Variants in PRAMEF20 observed in about 807,000 individuals in gnomAD.
The protein encoded by PRAMEF20 is PRAME family member 20, also known as PRAME family member 20/21.
PRAMEF20 carries 27 observed loss-of-function variants against 32.4 expected under a neutral mutation model. That is an observed-to-expected ratio of 0.83 (90% CI 0.61 to 1.15). PRAMEF20 has a LOEUF of 1.15. PRAMEF20 is among the 50% of genes most tolerant of loss of function. The pLI, the probability that PRAMEF20 is intolerant of heterozygous loss-of-function variation, is 0.00. For missense variants in PRAMEF20, 604 were observed against 584.5 expected (o/e 1.03, Z -0.34); for synonymous variants, 256 against 235.4 (o/e 1.09, Z -0.80).
chr1:13,419,874 G>C (rs1241267685), intron 2 of PRAMEF20, among the ~76,000 whole-genome samples: 1 of 152,186 alleles, frequency 6.6e-6, no homozygotes, highest in Non-Finnish European at 1.5e-5. Flanking sequence ...CTAATTCCCT[G>C]TCATAATGGG....
chr1:13,417,910 T>TTGTGTGTGTGTGTATGTGTGTGTG (rs1641198016), intron 1 of PRAMEF20, among the ~76,000 whole-genome samples: 4 of 124,218 alleles, frequency 3.2e-5, no homozygotes, highest in African/African-American at 1.2e-4. Flanking sequence ...CCCGGCTAAT[T>TTGTGTGTGTGTGTATGTGTGTGTG]TGTGTGTGTG....
intron 2 of PRAMEF20, 139 bp from the exon 4 acceptor site, chr1:13,420,558 A>C: frequency 8.4e-7 from 1 of 1,185,064 alleles, no homozygotes; most frequent in Non-Finnish European, 1.2e-6. Flanking sequence ...GCAGCATCCT[A>C]AGTGTTGACT....
At chr1:13,411,996 T>C (rs1206785420), upstream of PRAMEF20, among the ~76,000 whole-genome samples, 3 of 152,080 alleles carry the variant, frequency 2.0e-5, no homozygotes, top group East Asian at 5.8e-4. Context: ...TAGTGGCTTT[T>C]AATTGGTCAT....
upstream of PRAMEF20, among the ~76,000 whole-genome samples, chr1:13,414,368 T>C (rs1641142783): frequency 6.6e-6 from 1 of 152,074 alleles, no homozygotes; most frequent in South Asian, 2.1e-4. Context: ...CTTCTTGACA[T>C]TTTAAATACA....
exon 3 of PRAMEF20, chr1:13,421,291 CTT>C: frequency 1.2e-6 from 2 of 1,613,608 alleles, no homozygotes; most frequent in Non-Finnish European, 1.7e-6. Context: ...ATATCAAACT[CTT>C]TTTTCTGAAC....
intron 1 of PRAMEF20, among the ~76,000 whole-genome samples, chr1:13,417,629 G>T (rs1641191001): frequency 6.6e-6 from 1 of 151,414 alleles, no homozygotes; most frequent in Non-Finnish European, 1.5e-5. Context: ...AACTGGGCAG[G>T]ATCCAAGGGT....
upstream of PRAMEF20, among the ~76,000 whole-genome samples, chr1:13,412,622 G>A (rs1386124627): frequency 4.7e-5 from 7 of 148,462 alleles, no homozygotes; most frequent in South Asian, 2.2e-4. Context: ...CACCCTGCCC[G>A]GCTCCCACCC....
intron 1 of PRAMEF20, among the ~76,000 whole-genome samples, 186 bp from the exon 3 acceptor site, chr1:13,417,910 TTGTGTGTGTGTGTGTGTGTGTGTGTG>T (rs71272484): frequency 8.1e-6 from 1 of 124,218 alleles, no homozygotes; most frequent in Non-Finnish European, 1.7e-5. Context: ...CCCGGCTAAT[TTGTGTGTGTGTGTGTGTGTGTGTGTG>T]TGTGTGTGTG....
At chr1:13,412,419 C>T (rs1000340460), upstream of PRAMEF20, among the ~76,000 whole-genome samples, 10 of 152,074 alleles carry the variant, frequency 6.6e-5, no homozygotes, top group Non-Finnish European at 1.0e-4. Context: ...TTTCTCCCTC[C>T]CCTCAAGGAT....
At chr1:13,416,128 C>T (rs1441168384), upstream of PRAMEF20, among the ~76,000 whole-genome samples, 1 of 152,172 alleles carries the variant, frequency 6.6e-6, no homozygotes, top group Non-Finnish European at 1.5e-5. Flanking sequence ...TAGTGGTGGC[C>T]CTGCCTCCTC....
intron 1 of PRAMEF20, among the ~76,000 whole-genome samples, chr1:13,417,333 G>T (rs959000832): frequency 6.6e-6 from 1 of 152,008 alleles, no homozygotes; most frequent in Non-Finnish European, 1.5e-5. Context: ...GCGTTGATTG[G>T]TGCATTTTAC....
intron 2 of PRAMEF20, among the ~76,000 whole-genome samples, chr1:13,420,318 C>T (rs1569869205): frequency 6.6e-6 from 1 of 152,152 alleles, no homozygotes; most frequent in Non-Finnish European, 1.5e-5. Context: ...TCAAGCGGTT[C>T]TCCTGCCTCA....
intron 2 of PRAMEF20, among the ~76,000 whole-genome samples, chr1:13,420,408 C>T (rs1641229682): frequency 6.6e-6 from 1 of 152,126 alleles, no homozygotes; most frequent in African/African-American, 2.4e-5. Flanking sequence ...AGGGTTTTGC[C>T]ATGTTGGCCA....
chr1:13,417,376 T>C (rs1641188417), intron 1 of PRAMEF20, among the ~76,000 whole-genome samples: 1 of 151,938 alleles, frequency 6.6e-6, no homozygotes, highest in Non-Finnish European at 1.5e-5. Flanking sequence ...GTTCCCCAAG[T>C]CCCCACTGGA....
intron 1 of PRAMEF20, among the ~76,000 whole-genome samples, chr1:13,416,929 T>C (rs1210756195): frequency 1.3e-5 from 2 of 152,020 alleles, no homozygotes; most frequent in Non-Finnish European, 2.9e-5. Flanking sequence ...CCCAGCATTT[T>C]GGGAGGCTGA....
At chr1:13,418,377 C>G (rs950244866) in exon 2 of PRAMEF20, 19 of 1,613,736 alleles carry the variant, frequency 1.2e-5, no homozygotes, top group Non-Finnish European at 1.5e-5. Context: ...TACACCTGTG[C>G]TGTAAGAAGC....
upstream of PRAMEF20, among the ~76,000 whole-genome samples, chr1:13,415,936 T>C (rs1313364868): frequency 6.6e-6 from 1 of 152,240 alleles, no homozygotes; most frequent in African/African-American, 2.4e-5. Flanking sequence ...GCCCCATGAA[T>C]GTTCCCAACC....
intron 1 of PRAMEF20, among the ~76,000 whole-genome samples, chr1:13,417,915 TG>T: frequency 2.2e-5 from 2 of 89,868 alleles, no homozygotes; most frequent in African/African-American, 8.4e-5. Flanking sequence ...CTAATTTGTG[TG>T]TGTGTGTGTG....
chr1:13,416,435 C>G, exon 1 of PRAMEF20: 1 of 1,613,950 alleles, frequency 6.2e-7, no homozygotes, highest in African/African-American at 1.3e-5. Context: ...CCATCTCCAC[C>G]CTGGAGGAGC....
Sources: gnomAD v4.1 joint callset for allele counts (sites outside exome capture counted in the v4.1 genomes callset) on GRCh38, gnomAD v4.1.1 for gene constraint, MANE v1.5 for transcripts, NCBI Gene and HGNC (gene_info 2026-07-23, HGNC 2026-07-21) for gene names.